Variants in SMG6 observed in about 807,000 individuals in gnomAD.
The protein encoded by SMG6 is SMG6 nonsense mediated mRNA decay factor, also known as telomerase-binding protein EST1A.
Under a neutral mutation model 142.2 loss-of-function variants are expected in SMG6, and 66 were observed. That is an observed-to-expected ratio of 0.46 (90% CI 0.38 to 0.57). The LOEUF (loss-of-function observed/expected upper bound fraction) is 0.57, where lower values mean the gene tolerates loss of function less well. SMG6 is among the 20% of genes least tolerant of loss of function. The pLI is 0.00. For missense variants in SMG6, 1,793 were observed against 1,832.0 expected (o/e 0.98, Z 0.39); for synonymous variants, 779 against 702.4 (o/e 1.11, Z -1.72).
At chr17:2,292,053 G>A (rs1367311861) in intron 6 of SMG6, among the ~76,000 whole-genome samples, 1 of 149,074 alleles carries the variant, frequency 6.7e-6, no homozygotes, top group Admixed American at 6.6e-5. Flanking sequence ...ATTAGACCTA[G>A]GGAGGTACAA....
At chr17:2,081,717 G>T in intron 15 of SMG6, 93 bp downstream of exon 15, 2 of 1,425,650 alleles carry the variant, frequency 1.4e-6, no homozygotes, top group Non-Finnish European at 9.7e-7. Context: ...CTCACTCTTA[G>T]TGTCCTGCTC....
intron 8 of SMG6, among the ~76,000 whole-genome samples, chr17:2,255,491 T>C (rs903996448): frequency 3.4e-5 from 5 of 148,566 alleles, no homozygotes; most frequent in African/African-American, 1.2e-4. Context: ...TGAGCAAACC[T>C]GTATTTGTAA....
intron 10 of SMG6, among the ~76,000 whole-genome samples, chr17:2,231,204 A>G (rs1413609049): frequency 1.3e-5 from 2 of 152,166 alleles, no homozygotes; most frequent in African/African-American, 4.8e-5. Context: ...CTGGAAGACA[A>G]GGACACTTCG....
intron 13 of SMG6, among the ~76,000 whole-genome samples, chr17:2,159,047 T>C (rs919766520): frequency 2.6e-5 from 4 of 152,138 alleles, no homozygotes; most frequent in Non-Finnish European, 5.9e-5. Flanking sequence ...GGCCAACAGA[T>C]TAGAACATTT....
intron 8 of SMG6, among the ~76,000 whole-genome samples, chr17:2,278,184 T>G (rs1014347768): frequency 6.6e-6 from 1 of 151,386 alleles, no homozygotes; most frequent in African/African-American, 2.4e-5. Flanking sequence ...AGAATACAAG[T>G]GACTGCCACT....
intron 6 of SMG6, 25 bp downstream of exon 6, chr17:2,292,520 AGCACTTT>A: frequency 6.2e-7 from 1 of 1,604,032 alleles, no homozygotes; most frequent in African/African-American, 1.3e-5. Flanking sequence ...CTTCCTGCAA[AGCACTTT>A]TCCCCTGTCC....
chr17:2,283,430 C>A (rs1161619765), intron 7 of SMG6, among the ~76,000 whole-genome samples, 195 bp downstream of exon 7: 1 of 152,170 alleles, frequency 6.6e-6, no homozygotes. Flanking sequence ...ACCAACTACC[C>A]ACCAGCACAG....
intron 10 of SMG6, among the ~76,000 whole-genome samples, chr17:2,201,057 T>C (rs1324461085): frequency 6.6e-6 from 1 of 152,168 alleles, no homozygotes; most frequent in African/African-American, 2.4e-5. Context: ...TCAAACATGT[T>C]TGCTTTTCAA....
chr17:2,203,796 C>T (rs17761723), intron 10 of SMG6, among the ~76,000 whole-genome samples: 38,831 of 152,008 alleles, frequency 0.26, 6,426 homozygotes, highest in Admixed American at 0.35. Flanking sequence ...CCTCTGCTGG[C>T]GTGAAGCTTC....
At chr17:2,298,507 C>A (rs550121631) in intron 2 of SMG6, among the ~76,000 whole-genome samples, 13 of 152,092 alleles carry the variant, frequency 8.5e-5, no homozygotes, top group Non-Finnish European at 1.3e-4. Context: ...ATCACGAGGT[C>A]AGGAGATCGA....
chr17:2,152,087 C>T (rs557032572), intron 13 of SMG6, among the ~76,000 whole-genome samples: 2 of 152,288 alleles, frequency 1.3e-5, no homozygotes, highest in South Asian at 2.1e-4. Flanking sequence ...CTGTTGGAGT[C>T]GGCCTGAGCC....
At chr17:2,101,880 A>G (rs1217852951) in intron 13 of SMG6, among the ~76,000 whole-genome samples, 1 of 152,236 alleles carries the variant, frequency 6.6e-6, no homozygotes, top group African/African-American at 2.4e-5. Flanking sequence ...ACAGCTCTCC[A>G]TGATCCAGAA....
intron 13 of SMG6, among the ~76,000 whole-genome samples, chr17:2,102,528 ATTTTTT>A (rs374584197): frequency 2.3e-4 from 19 of 81,614 alleles, no homozygotes; most frequent in South Asian, 1.3e-3. Flanking sequence ...TGCTAATTTC[ATTTTTT>A]TTTTTTTTTT....
At chr17:2,203,290 A>C (rs2072586479) in intron 10 of SMG6, among the ~76,000 whole-genome samples, 1 of 152,166 alleles carries the variant, frequency 6.6e-6, no homozygotes, top group South Asian at 2.1e-4. Context: ...TATTCAATAC[A>C]CATCCCCTCT....
intron 10 of SMG6, among the ~76,000 whole-genome samples, chr17:2,196,279 G>A (rs1200448727): frequency 3.3e-5 from 5 of 152,116 alleles, no homozygotes; most frequent in Non-Finnish European, 7.4e-5. Context: ...AAAATTAGCT[G>A]GGCGTGGCGG....
intron 18 of SMG6, 57 bp downstream of exon 18, chr17:2,065,016 G>A (rs1283937051): frequency 7.4e-7 from 1 of 1,359,296 alleles, no homozygotes; most frequent in East Asian, 2.3e-5. Context: ...CTGAGGATGG[G>A]TAGGATGAGG....
intron 9 of SMG6, among the ~76,000 whole-genome samples, chr17:2,242,524 C>T (rs1481351182): frequency 1.3e-5 from 2 of 149,474 alleles, no homozygotes; most frequent in African/African-American, 5.0e-5. Context: ...AGCGAGACTT[C>T]GTCTCAAAAA....
rs141247858 is a variant in SMG6, at chr17:2,167,693, A to G, written c.3357+4965T>C. On this transcript the variant is annotated intron_variant, in intron 13 of 18. Transcript: ENST00000263073. ...TCTGGATCTCCCAGGCTGTGTTGGC[A>G]ATACGTGTTTCGTAAGTATCTGCAG... Among the ~76,000 whole-genome samples the G allele has an allele frequency of 6.0e-4, 91 of 152,296 alleles. 1 individual carries two copies. The highest frequency in any genetic ancestry group is 2.0e-3 in the African/African-American group (84 of 41,564).
intron 10 of SMG6, among the ~76,000 whole-genome samples, chr17:2,190,903 G>A (rs933511231): frequency 4.6e-5 from 7 of 152,204 alleles, no homozygotes; most frequent in African/African-American, 1.7e-4. Flanking sequence ...AATCAAGCAG[G>A]TGGAGATTTT....
Sources: allele counts gnomAD v4.1 joint callset (sites outside exome capture counted in the v4.1 genomes callset), GRCh38; gene constraint gnomAD v4.1.1; transcripts MANE v1.5; gene names NCBI Gene and HGNC (gene_info 2026-07-23, HGNC 2026-07-21).